Variants in ARHGEF3 observed in about 807,000 individuals in gnomAD.
ARHGEF3 encodes 59.8 kDA protein.
In ARHGEF3, 28 loss-of-function variants were observed where a neutral mutation model predicts 63.2. The observed-to-expected ratio is 0.44, with a 90% CI of 0.33 to 0.61. ARHGEF3 has a LOEUF of 0.61. Among genes scored for constraint, ARHGEF3 ranks in the 20% least tolerant of loss-of-function variants. The pLI is 0.03. For missense variants in ARHGEF3, 533 were observed against 659.3 expected (o/e 0.81, Z 2.10); for synonymous variants, 266 against 254.2 (o/e 1.05, Z -0.44).
At chr3:56,794,389 C>G (rs6769632) in intron 1 of ARHGEF3, among the ~76,000 whole-genome samples, 102,243 of 150,404 alleles carry the variant, frequency 0.68, 35,924 homozygotes, top group East Asian at 0.93. Flanking sequence ...TCGGGAGGCT[C>G]AGACAGGAGA....
At chr3:57,076,020 T>A (rs1453337937) in intron 1 of ARHGEF3, among the ~76,000 whole-genome samples, 7 of 152,224 alleles carry the variant, frequency 4.6e-5, no homozygotes, top group African/African-American at 1.7e-4. Context: ...ACTTTCAACC[T>A]GTGCAAGCGA....
At chr3:57,014,392 C>T (rs900373634) in intron 2 of ARHGEF3, among the ~76,000 whole-genome samples, 3 of 152,164 alleles carry the variant, frequency 2.0e-5, no homozygotes, top group Non-Finnish European at 2.9e-5. Context: ...ACGCCCCTTC[C>T]ATCACCACCC....
rs141217474 is a variant in ARHGEF3 at position 56,917,455 on chromosome 3, A to C, written c.130-35101T>G. 3.3e-5 allele frequency among the ~76,000 whole-genome samples: 5 copies of C among 152,328 alleles called. No individual in the cohort carries two copies. The South Asian group carries it at 1.0e-3, about 32-fold the overall frequency. On this transcript the variant is annotated intron_variant, in intron 3 of 12. Coordinates refer to the ARHGEF3 transcript ENST00000338458. ...AGAGCCTTCCTCTGTCTCAAGCCTG[A>C]GTAAAGTCTGGGGACCCAGCAAAGA...
At chr3:56,743,113 C>A (rs1002171850) in intron 7 of ARHGEF3, among the ~76,000 whole-genome samples, 18 of 152,152 alleles carry the variant, frequency 1.2e-4, no homozygotes, top group African/African-American at 1.7e-4. Flanking sequence ...GCACTCTTCC[C>A]AGTAATAAAA....
intron 2 of ARHGEF3, among the ~76,000 whole-genome samples, chr3:57,029,357 G>A (rs1343918182): frequency 1.3e-5 from 2 of 151,948 alleles, no homozygotes; most frequent in East Asian, 1.9e-4. Context: ...TTGAACCCAG[G>A]AGCGGAGGTT....
At chr3:57,010,197 G>A (rs1215930357) in intron 2 of ARHGEF3, among the ~76,000 whole-genome samples, 1 of 152,178 alleles carries the variant, frequency 6.6e-6, no homozygotes, top group Non-Finnish European at 1.5e-5. Context: ...GCTCACGCCT[G>A]TAATCCCAGC....
At chr3:56,967,552 C>G (rs1315555479) in intron 2 of ARHGEF3, among the ~76,000 whole-genome samples, 1 of 77,238 alleles carries the variant, frequency 1.3e-5, no homozygotes, top group Non-Finnish European at 2.2e-5. Context: ...ATATTATGTA[C>G]ATTATATAAT....
At chr3:56,804,638 G>A (rs749903099), upstream of ARHGEF3, among the ~76,000 whole-genome samples, 3 of 152,156 alleles carry the variant, frequency 2.0e-5, no homozygotes, top group Non-Finnish European at 2.9e-5. Flanking sequence ...TTTTTCCCTC[G>A]ATAGATAACC....
intron 3 of ARHGEF3, among the ~76,000 whole-genome samples, chr3:56,896,278 C>T (rs948826191): frequency 1.3e-5 from 2 of 152,096 alleles, no homozygotes; most frequent in African/African-American, 4.8e-5. Flanking sequence ...TTTGCTCCCT[C>T]TCTCTCTCTT....
chr3:56,798,348 A>T (rs1307338886), intron 1 of ARHGEF3, among the ~76,000 whole-genome samples: 1 of 152,210 alleles, frequency 6.6e-6, no homozygotes, highest in Non-Finnish European at 1.5e-5. Flanking sequence ...TAAGATGGTA[A>T]ATTTTAAAAC....
chr3:56,834,065 G>A (rs755605385), intron 4 of ARHGEF3, among the ~76,000 whole-genome samples: 13 of 152,008 alleles, frequency 8.6e-5, no homozygotes, highest in Admixed American at 5.2e-4. Context: ...CACCACACCC[G>A]GCTAATTTTT....
At chr3:56,817,856 C>T (rs2038328925) in intron 4 of ARHGEF3, among the ~76,000 whole-genome samples, 1 of 152,182 alleles carries the variant, frequency 6.6e-6, no homozygotes, top group Non-Finnish European at 1.5e-5. Context: ...ATGCCCCGTA[C>T]CCACAGGGCA....
At chr3:56,978,288 TATC>T (rs1462943729) in intron 2 of ARHGEF3, among the ~76,000 whole-genome samples, 1 of 152,230 alleles carries the variant, frequency 6.6e-6, no homozygotes, top group Non-Finnish European at 1.5e-5. Flanking sequence ...ATTCTGGAAT[TATC>T]ATTCCCATAC....
intron 3 of ARHGEF3, among the ~76,000 whole-genome samples, chr3:56,905,768 A>AC: frequency 6.6e-6 from 1 of 152,230 alleles, no homozygotes; most frequent in Non-Finnish European, 1.5e-5. Flanking sequence ...GAGAAATGAT[A>AC]CCCTGGTCAA....
intron 2 of ARHGEF3, among the ~76,000 whole-genome samples, chr3:57,014,640 TAGAA>T (rs767922005): frequency 6.6e-6 from 1 of 152,142 alleles, no homozygotes; most frequent in African/African-American, 2.4e-5. Context: ...ACAGTTAACA[TAGAA>T]AGTAAAATTA....
rs185311640 is a variant in ARHGEF3, at chr3:56,795,801, C to A, written c.96+5902G>T. 3.0e-4 allele frequency among the ~76,000 whole-genome samples: 46 copies of A among 152,022 alleles called. No homozygotes were observed. In the East Asian group the frequency reaches 7.2e-3, roughly 24 times the overall value. Reference sequence around the variant, plus strand: ...GGATTACAGGTGTGTGCCACCACGCCTGGCTAATTTTTGAATTTTTAGTAG... The same window carrying A: ...GGATTACAGGTGTGTGCCACCACGCATGGCTAATTTTTGAATTTTTAGTAG... On this transcript the variant is annotated intron_variant, in intron 1 of 9. Transcript: ENST00000296315.
intron 4 of ARHGEF3, among the ~76,000 whole-genome samples, chr3:56,879,589 C>T (rs1374378090): frequency 2.0e-5 from 3 of 151,832 alleles, no homozygotes; most frequent in East Asian, 3.9e-4. Context: ...TTGAGAGTTA[C>T]TCATATTACT....
intron 9 of ARHGEF3, among the ~76,000 whole-genome samples, chr3:56,730,287 G>A (rs1472543743): frequency 6.6e-6 from 1 of 151,588 alleles, no homozygotes; most frequent in African/African-American, 2.4e-5. Context: ...GACAAATTTG[G>A]TTTCATTGTC....
intron 4 of ARHGEF3, among the ~76,000 whole-genome samples, chr3:56,870,059 A>C (rs1225005003): frequency 6.6e-6 from 1 of 152,142 alleles, no homozygotes; most frequent in African/African-American, 2.4e-5. Flanking sequence ...ATTTAAATGA[A>C]GTGTACCTTA....
Sources: allele counts gnomAD v4.1 joint callset (sites outside exome capture counted in the v4.1 genomes callset), GRCh38; gene constraint gnomAD v4.1.1; transcripts MANE v1.5; gene names NCBI Gene and HGNC (gene_info 2026-07-23, HGNC 2026-07-21).